HMCN1: variants seen among roughly 807,000 people sequenced by gnomAD.
The protein encoded by HMCN1 is hemicentin-1.
A neutral mutation model predicts 625.9 loss-of-function variants in HMCN1; 321 were observed. The ratio of observed to expected loss-of-function variants is 0.51; its 90% CI spans 0.47 to 0.56. The LOEUF (loss-of-function observed/expected upper bound fraction) is 0.56. Among genes scored for constraint, HMCN1 ranks in the 20% least tolerant of loss-of-function variants. The probability of loss-of-function intolerance (pLI) is 0.00; values close to 1 mark genes in which losing one functional copy is unlikely to be tolerated. For synonymous variants in HMCN1, 2,425 were observed against 2,417.6 expected, an observed-to-expected ratio of 1.00 and a Z score of -0.09; for missense variants, 6,588 against 6,887.3, an observed-to-expected ratio of 0.96 and a Z score of 1.54.
intron 26 of HMCN1, 28 bp from the exon 27 acceptor site, chr1:186,001,270 G>T (rs1490701898): frequency 6.3e-7 from 1 of 1,592,224 alleles, no homozygotes; most frequent in South Asian, 1.1e-5. Flanking sequence ...TATGAAACTA[G>T]CTAGCTATGA....
intron 1 of HMCN1, among the ~76,000 whole-genome samples, chr1:185,753,253 T>C (rs541483604): frequency 1.3e-5 from 2 of 152,184 alleles, no homozygotes; most frequent in African/African-American, 2.4e-5. Flanking sequence ...GTTTTTCCCT[T>C]TGGAATTGCA....
intron 2 of HMCN1, among the ~76,000 whole-genome samples, chr1:185,858,402 GACGTT>G (rs1266233907): frequency 6.6e-6 from 1 of 151,568 alleles, no homozygotes; most frequent in Non-Finnish European, 1.5e-5. Flanking sequence ...AACTGCGGCA[GACGTT>G]TAAAGGATTT....
chr1:186,021,670 A>G (rs1187948147), intron 35 of HMCN1, among the ~76,000 whole-genome samples: 2 of 152,062 alleles, frequency 1.3e-5, no homozygotes, highest in Non-Finnish European at 2.9e-5. Context: ...GGGAGTTTAC[A>G]TGGGAGAGTT....
intron 99 of HMCN1, 50 bp from the exon 100 acceptor site, chr1:186,166,758 G>A: frequency 6.2e-7 from 1 of 1,613,672 alleles, no homozygotes; most frequent in Non-Finnish European, 8.5e-7. Flanking sequence ...CAGGTTCTTG[G>A]GCTGGGTGTT....
intron 46 of HMCN1, 61 bp downstream of exon 46, chr1:186,057,462 T>A: frequency 8.7e-7 from 1 of 1,145,662 alleles, no homozygotes; most frequent in Non-Finnish European, 1.3e-6. Flanking sequence ...AATTTCTCCT[T>A]AATTTCAAAT....
At chr1:186,015,489 A>G in intron 31 of HMCN1, 52 bp downstream of exon 31, 1 of 1,534,586 alleles carries the variant, frequency 6.5e-7, no homozygotes, top group East Asian at 2.2e-5. Context: ...ATGCTTTCTA[A>G]TAGGCAAATA....
rs1478137690 is a variant in HMCN1, at chr1:186,160,305, C to T, written c.15257-4806C>T. ...TTTTTATTGCGTCTATTTGATTCTT[C>T]TCTCTTTTTTTCTTTATTAGTCTTG... is the stretch of plus-strand genomic sequence containing the variant. On this transcript the variant is annotated intron_variant, in intron 97 of 106. Transcript: ENST00000271588. Among the ~76,000 whole-genome samples the T allele has an allele frequency of 2.0e-5, 3 of 146,968 alleles. No individual in the cohort carries two copies. In the East Asian group the frequency reaches 5.9e-4, roughly 29 times the overall value.
At chr1:186,155,270 T>C (rs895580891) in intron 97 of HMCN1, among the ~76,000 whole-genome samples, 7 of 152,140 alleles carry the variant, frequency 4.6e-5, no homozygotes, top group Admixed American at 1.3e-4. Context: ...TTTGAGGTAA[T>C]CACAGATTCA....
Position 186,189,920 on chromosome 1 carries a change from A to T in HMCN1, c.*42A>T. ...TATTCCACATATTTAAACCGCATTA[A>T]TCATGGCAATCAAGCCCCCTTCCAG... On this transcript the variant is annotated 3_prime_UTR_variant, in exon 107 of 107. Coordinates refer to ENST00000271588, the MANE Select transcript of HMCN1 (RefSeq NM_031935.3). 1 of 1,606,030 alleles carries T rather than the reference A, an allele frequency of 6.2e-7. No homozygotes were observed. Among genetic ancestry groups the T allele is most frequent in the Non-Finnish European group, 8.5e-7 (1 of 1,176,386 alleles).
chr1:185,928,700 A>T lies in HMCN1; in HGVS notation c.1552+33A>T, dbSNP rs914834085. On this transcript the variant is annotated intron_variant, in intron 10 of 106. Transcript: ENST00000271588. ...CCACTAATTTCTTTGCAGTTGCCCA[A>T]GTATTAATGCAGCTATGGAAATGGG... 8 of 1,608,708 alleles carry T rather than the reference A, an allele frequency of 5.0e-6. No homozygotes were observed. The African/African-American group carries it at 1.1e-4, about 22-fold the overall frequency.
chr1:186,155,488 A>T (rs140966664), intron 97 of HMCN1, among the ~76,000 whole-genome samples: 37 of 151,810 alleles, frequency 2.4e-4, no homozygotes, highest in African/African-American at 9.0e-4. Flanking sequence ...CATCTAATTT[A>T]AAAAAAGATA....
intron 80 of HMCN1, among the ~76,000 whole-genome samples, chr1:186,121,199 G>A (rs1661380483): frequency 6.6e-6 from 1 of 152,110 alleles, no homozygotes; most frequent in Non-Finnish European, 1.5e-5. Flanking sequence ...AAAACACAAG[G>A]GAGATCAGAA....
intron 42 of HMCN1, among the ~76,000 whole-genome samples, chr1:186,049,334 T>A (rs1333182275): frequency 6.6e-6 from 1 of 152,054 alleles, no homozygotes; most frequent in African/African-American, 2.4e-5. Context: ...TCATACATAG[T>A]CACAACTTGA....
At chr1:186,086,701 T>C (rs1659491778) in intron 58 of HMCN1, among the ~76,000 whole-genome samples, 1 of 152,026 alleles carries the variant, frequency 6.6e-6, no homozygotes. Context: ...GTACTTTCAT[T>C]GGATACATCT....
intron 3 of HMCN1, 28 bp downstream of exon 3, chr1:185,864,656 C>A: frequency 6.2e-7 from 1 of 1,610,122 alleles, no homozygotes; most frequent in South Asian, 1.1e-5. Flanking sequence ...CCAAACGTCT[C>A]TGTCTAAATG....
chr1:186,142,785 G>A (rs925335787), intron 89 of HMCN1, among the ~76,000 whole-genome samples: 1 of 152,102 alleles, frequency 6.6e-6, no homozygotes, highest in African/African-American at 2.4e-5. Context: ...TTTATATGTA[G>A]TAGAAATGAC....
intron 94 of HMCN1, 126 bp from the exon 95 acceptor site, chr1:186,151,480 G>T: frequency 1.6e-6 from 2 of 1,249,592 alleles, no homozygotes; most frequent in South Asian, 2.6e-5. Flanking sequence ...ACATACATGA[G>T]GTACTGGTAT....
At chr1:185,991,204 C>G (rs545122535) in intron 22 of HMCN1, among the ~76,000 whole-genome samples, 77 of 152,220 alleles carry the variant, frequency 5.1e-4, no homozygotes, top group African/African-American at 1.8e-3. Flanking sequence ...AATTAACTTT[C>G]TGTTAGAATC....
intron 13 of HMCN1, among the ~76,000 whole-genome samples, chr1:185,965,234 T>A (rs911755731): frequency 3.3e-5 from 5 of 151,902 alleles, no homozygotes; most frequent in African/African-American, 1.2e-4. Context: ...AAAAGAAGGG[T>A]CAAAACCAGG....
Sources: allele counts gnomAD v4.1 joint callset (sites outside exome capture counted in the v4.1 genomes callset), GRCh38; gene constraint gnomAD v4.1.1; transcripts MANE v1.5; gene names NCBI Gene and HGNC (gene_info 2026-07-23, HGNC 2026-07-21).